Variants in PTPRD observed in about 807,000 individuals in gnomAD.
PTPRD encodes the protein protein tyrosine phosphatase receptor type D.
Under a neutral mutation model 214.5 loss-of-function variants are expected in PTPRD, and 34 were observed. That is an observed-to-expected ratio of 0.16 (90% confidence interval 0.12 to 0.21). The LOEUF is 0.21. PTPRD is among the 10% of genes least tolerant of loss of function. The pLI is 1.00. For synonymous variants in PTPRD, 1,128 were observed against 845.7 expected, an observed-to-expected ratio of 1.33 and a Z score of -5.79; for missense variants, 2,545 against 2,398.7, an observed-to-expected ratio of 1.06 and a Z score of -1.27.
At chr9:8,333,725 G>C (rs535496999) in intron 43 of PTPRD, among the ~76,000 whole-genome samples, 6 of 152,070 alleles carry the variant, frequency 3.9e-5, no homozygotes, top group Non-Finnish European at 7.4e-5. Flanking sequence ...AATGTACATG[G>C]ACTAAATGCC....
At chr9:9,252,019 T>C (rs975215716) in intron 9 of PTPRD, among the ~76,000 whole-genome samples, 1 of 152,082 alleles carries the variant, frequency 6.6e-6, no homozygotes, top group Non-Finnish European at 1.5e-5. Context: ...CTCTTTTAGC[T>C]GAATTTTATA....
At chr9:8,513,385 G>GAGA (rs146271862) in intron 21 of PTPRD, among the ~76,000 whole-genome samples, 1 of 152,090 alleles carries the variant, frequency 6.6e-6, no homozygotes, top group African/African-American at 2.4e-5. Flanking sequence ...AATCAAAAGT[G>GAGA]AGACTTCTCT....
intron 27 of PTPRD, among the ~76,000 whole-genome samples, chr9:8,487,513 G>C (rs574646583): frequency 6.6e-6 from 1 of 152,200 alleles, no homozygotes; most frequent in East Asian, 1.9e-4. Context: ...AGGACTGCTT[G>C]AGCCCAAGAG....
chr9:9,593,298 C>CTT (rs572857031), intron 7 of PTPRD, among the ~76,000 whole-genome samples: 1 of 137,204 alleles, frequency 7.3e-6, no homozygotes, highest in Non-Finnish European at 1.6e-5. Flanking sequence ...GGAAACTTAA[C>CTT]TTTTTTTTTT....
Position 8,315,718 on chromosome 9 carries a change from T to G in PTPRD, c.*2156A>C, listed in dbSNP as rs1330126203. The G allele has an allele frequency of 4.4e-6, 1 of 228,906 alleles. No individual in the cohort carries two copies. The highest frequency in any genetic ancestry group is 2.2e-5 in the African/African-American group (1 of 45,062). The allele number at this position is 228,906 out of a possible 1,614,324, so 14.2% of individuals were successfully genotyped here. A position where few individuals can be genotyped will look rare whatever the true frequency, so the allele number is the denominator to read the frequency against. On this transcript the variant is annotated 3_prime_UTR_variant, in exon 46 of 46. Transcript: ENST00000381196. ...CTTGCAAATGTTTGGTCTCTTGGAT[T>G]TCACTCTGCTAGCAATGGGAAAATG... is the stretch of plus-strand genomic sequence containing the variant.
rs144763567 is a variant in PTPRD at position 8,743,114 on chromosome 9, AG to A, written c.-103-9169del. Among the ~76,000 whole-genome samples the A allele has an allele frequency of 6.4e-3, 839 of 132,072 alleles. 20 individuals carry two copies. Among genetic ancestry groups the A allele is most frequent in the Admixed American group, 0.046 (585 of 12,826 alleles). 86.6% of individuals were successfully genotyped at this position (132,072 alleles called of 152,430 possible). A position where few individuals can be genotyped will look rare whatever the true frequency, so the allele number is the denominator to read the frequency against. ...GGAAAAATTCCAAATTAAAAAAAAA[AG>A]GGGGGGGGGACTTTTAAGACATAAT... On this transcript the variant is annotated intron_variant, in intron 11 of 45. Coordinates refer to ENST00000381196, the MANE Select transcript of PTPRD (RefSeq NM_002839.4).
chr9:10,509,608 C>T (rs2047337083), intron 2 of PTPRD, among the ~76,000 whole-genome samples: 1 of 116,532 alleles, frequency 8.6e-6, no homozygotes. Flanking sequence ...TTTCTGGCAT[C>T]ACAAGATTCT....
At chr9:9,309,675 A>G (rs550992639) in intron 9 of PTPRD, among the ~76,000 whole-genome samples, 5 of 152,274 alleles carry the variant, frequency 3.3e-5, no homozygotes, top group African/African-American at 4.8e-5. Flanking sequence ...TGTCTATGCT[A>G]TCCTGTAAAA....
chr9:9,419,199 CT>C (rs1405258288), intron 8 of PTPRD, among the ~76,000 whole-genome samples: 2 of 150,134 alleles, frequency 1.3e-5, no homozygotes, highest in Non-Finnish European at 3.0e-5. Flanking sequence ...TAAATATAGT[CT>C]GTATCATTTA....
chr9:9,000,224 T>G (rs1276204635), intron 11 of PTPRD, among the ~76,000 whole-genome samples: 1 of 152,048 alleles, frequency 6.6e-6, no homozygotes, highest in Non-Finnish European at 1.5e-5. Flanking sequence ...GCACATCCTT[T>G]TAGAACGGCA....
intron 30 of PTPRD, among the ~76,000 whole-genome samples, chr9:8,475,483 C>T (rs1290521854): frequency 1.3e-5 from 2 of 152,120 alleles, no homozygotes; most frequent in Admixed American, 6.6e-5. Context: ...AGATCTCATT[C>T]CACCTCAGGG....
rs2088488855 is a variant in PTPRD at position 9,575,788 on chromosome 9, A to G, written c.-286-1007T>C. On this transcript the variant is annotated intron_variant, in intron 7 of 45. Transcript: ENST00000381196. ...AAAAAAGAAAAAGAAAGAAAAAGAA[A>G]AAAAAAAATAGTTACTGAGCCCTTT... Among the ~76,000 whole-genome samples, 7 of 144,888 alleles carry G rather than the reference A, an allele frequency of 4.8e-5. No individual in the cohort carries two copies. The Admixed American group carries it at 4.9e-4, about 10-fold the overall frequency.
chr9:9,977,181 T>C (rs760468461), intron 4 of PTPRD, among the ~76,000 whole-genome samples: 17 of 152,158 alleles, frequency 1.1e-4, no homozygotes, highest in Non-Finnish European at 2.2e-4. Context: ...AGGACCTTGA[T>C]AGGTGGATTC....
chr9:8,765,229 C>T (rs1414836481), intron 11 of PTPRD, among the ~76,000 whole-genome samples: 4 of 152,166 alleles, frequency 2.6e-5, no homozygotes, highest in Non-Finnish European at 1.5e-5. Flanking sequence ...AGCATAATTC[C>T]ACTCCCCTTG....
intron 11 of PTPRD, among the ~76,000 whole-genome samples, chr9:8,864,704 T>C (rs1024015905): frequency 2.0e-5 from 3 of 152,212 alleles, no homozygotes; most frequent in Non-Finnish European, 4.4e-5. Flanking sequence ...AGTGGCAAGT[T>C]GGTCATTGTA....
Position 8,766,892 on chromosome 9 carries a change from C to T in PTPRD, c.-103-32946G>A, listed in dbSNP as rs561441925. Among the ~76,000 whole-genome samples the T allele has an allele frequency of 3.9e-5, 6 of 152,248 alleles. No individual in the cohort carries two copies. The East Asian group carries it at 5.8e-4, about 15-fold the overall frequency. ...CTTAACTCTTGTTTATATCAATTAG[C>T]CGATGGTGAAATTGGCTTCATAGGT... On this transcript the variant is annotated intron_variant, in intron 11 of 45. Coordinates refer to ENST00000381196, the MANE Select transcript of PTPRD (RefSeq NM_002839.4).
At chr9:8,576,631 C>CAAAAAAA (rs71317371) in intron 14 of PTPRD, among the ~76,000 whole-genome samples, 28 of 115,942 alleles carry the variant, frequency 2.4e-4, no homozygotes, top group South Asian at 5.8e-4. Context: ...GCTAATGCAG[C>CAAAAAAA]AAAAAAAAAA....
At chr9:10,528,000 A>G (rs1054430671) in intron 2 of PTPRD, among the ~76,000 whole-genome samples, 4 of 152,126 alleles carry the variant, frequency 2.6e-5, no homozygotes, top group Non-Finnish European at 5.9e-5. Flanking sequence ...AAAGCTAATC[A>G]TGACCTAAAC....
At chr9:8,711,044 T>C (rs1206768303) in intron 12 of PTPRD, among the ~76,000 whole-genome samples, 1 of 152,162 alleles carries the variant, frequency 6.6e-6, no homozygotes, top group Non-Finnish European at 1.5e-5. Context: ...TTTATTTTAA[T>C]GTCAGATATC....
Sources: allele counts gnomAD v4.1 joint callset (sites outside exome capture counted in the v4.1 genomes callset), GRCh38; gene constraint gnomAD v4.1.1; transcripts MANE v1.5; gene names NCBI Gene and HGNC (gene_info 2026-07-23, HGNC 2026-07-21).